The following PTGER3 variants were observed in gnomAD, a reference collection of about 807,000 sequenced individuals.
PTGER3 encodes the protein prostaglandin E receptor 3, also known as prostaglandin E2 receptor EP3 subtype.
PTGER3 carries 22 observed loss-of-function variants against 34.7 expected under a neutral mutation model. The observed-to-expected ratio is 0.63, with a 90% CI of 0.45 to 0.91. The LOEUF (loss-of-function observed/expected upper bound fraction) is 0.91, where lower values mean the gene tolerates loss of function less well. Ranked by LOEUF, PTGER3 falls within the 40% of genes least tolerant of loss-of-function variation. The probability of loss-of-function intolerance (pLI) is 0.00; values close to 1 mark genes in which losing one functional copy is unlikely to be tolerated. For synonymous variants in PTGER3, 241 were observed against 230.1 expected (o/e 1.05, Z -0.43); for missense variants, 468 against 519.4 (o/e 0.90, Z 0.96).
chr1:71,008,744 A>G, intron 2 of PTGER3: 2 of 973,252 alleles, frequency 2.1e-6, no homozygotes, highest in South Asian at 9.5e-5. Flanking sequence ...ATATGTAAAC[A>G]TATAAAACAA....
chr1:70,855,530 T>C (rs1217235625), intron 4 of PTGER3, among the ~76,000 whole-genome samples: 1 of 152,204 alleles, frequency 6.6e-6, no homozygotes, highest in Non-Finnish European at 1.5e-5. Flanking sequence ...ATAAATTAGT[T>C]CTGTGAACGC....
At chr1:71,005,718 C>T (rs544155493) in intron 2 of PTGER3, 7 of 262,414 alleles carry the variant, frequency 2.7e-5, no homozygotes, top group African/African-American at 1.6e-4. Context: ...AAGGCTAGTA[C>T]TAGCAAGCAC....
chr1:71,028,050 C>A (rs910255598), intron 1 of PTGER3, among the ~76,000 whole-genome samples: 1 of 152,150 alleles, frequency 6.6e-6, no homozygotes, highest in Non-Finnish European at 1.5e-5. Context: ...GGTATCATCA[C>A]TGCAGTGTCC....
chr1:70,976,663 GT>G (rs552414107), intron 2 of PTGER3, among the ~76,000 whole-genome samples: 1 of 152,052 alleles, frequency 6.6e-6, no homozygotes, highest in Non-Finnish European at 1.5e-5. Flanking sequence ...ATCTTTGAAA[GT>G]TTCCCATTTC....
intron 2 of PTGER3, chr1:71,007,257 A>G (rs942694063): frequency 1.0e-6 from 1 of 985,488 alleles, no homozygotes; most frequent in Admixed American, 6.2e-5. Flanking sequence ...ATTTGTTACA[A>G]ACAGATCAAA....
chr1:71,027,605 C>G (rs1275819583), intron 1 of PTGER3, among the ~76,000 whole-genome samples: 1 of 152,182 alleles, frequency 6.6e-6, no homozygotes, highest in African/African-American at 2.4e-5. Flanking sequence ...GATGTATTGA[C>G]ATAGTCCCCC....
chr1:70,942,422 C>T (rs764357503), intron 4 of PTGER3, among the ~76,000 whole-genome samples: 17 of 152,166 alleles, frequency 1.1e-4, no homozygotes, highest in Non-Finnish European at 2.4e-4. Context: ...CCTTAATTAC[C>T]TTTCCAACTT....
At chr1:70,908,103 T>G (rs1320943878) in intron 4 of PTGER3, among the ~76,000 whole-genome samples, 2 of 152,202 alleles carry the variant, frequency 1.3e-5, no homozygotes, top group African/African-American at 2.4e-5. Flanking sequence ...ATACCCACTT[T>G]GTCTGCTTGT....
chr1:70,981,540 C>T (rs181693143), intron 2 of PTGER3, among the ~76,000 whole-genome samples: 1 of 151,714 alleles, frequency 6.6e-6, no homozygotes, highest in Non-Finnish European at 1.5e-5. Flanking sequence ...TTCCAAGTAG[C>T]TGGGACTACA....
chr1:70,982,875 A>G (rs1274374054), intron 2 of PTGER3, among the ~76,000 whole-genome samples: 1 of 152,172 alleles, frequency 6.6e-6, no homozygotes, highest in Non-Finnish European at 1.5e-5. Context: ...TAATTGGCTT[A>G]ATTTAATCAT....
chr1:70,864,846 C>T (rs1646006364), intron 4 of PTGER3, among the ~76,000 whole-genome samples: 1 of 152,208 alleles, frequency 6.6e-6, no homozygotes, highest in Admixed American at 6.5e-5. Flanking sequence ...CCTAAGTTCA[C>T]ACTGGTAAGT....
intron 4 of PTGER3, among the ~76,000 whole-genome samples, chr1:70,903,264 C>G (rs1045404132): frequency 6.6e-6 from 1 of 152,140 alleles, no homozygotes; most frequent in Non-Finnish European, 1.5e-5. Context: ...TAATTTTAGG[C>G]TTCTGGTCTC....
intron 4 of PTGER3, among the ~76,000 whole-genome samples, chr1:70,856,115 A>T (rs555548271): frequency 6.6e-6 from 1 of 152,170 alleles, no homozygotes; most frequent in Admixed American, 6.5e-5. Context: ...AAGAGAAAAA[A>T]ATGCTTGTAG....
At chr1:70,947,548 C>T (rs1650331394), downstream of PTGER3, 1 of 152,222 alleles carries the variant, frequency 6.6e-6, no homozygotes, top group Non-Finnish European at 1.5e-5. Flanking sequence ...TAAAAATGGA[C>T]TAATACAGTA....
At chr1:70,908,026 C>T (rs1646985312) in intron 4 of PTGER3, among the ~76,000 whole-genome samples, 1 of 152,170 alleles carries the variant, frequency 6.6e-6, no homozygotes, top group South Asian at 2.1e-4. Context: ...ATTGTCTCTC[C>T]CTTCAGTTCA....
At chr1:70,980,395 A>G (rs779272217) in intron 2 of PTGER3, among the ~76,000 whole-genome samples, 6 of 151,992 alleles carry the variant, frequency 3.9e-5, no homozygotes, top group Non-Finnish European at 2.9e-5. Flanking sequence ...AAGTTACTGC[A>G]ACTTGCTGGC....
intron 2 of PTGER3, among the ~76,000 whole-genome samples, chr1:70,958,753 A>G (rs148619168): frequency 1.2e-4 from 18 of 152,240 alleles, no homozygotes; most frequent in Admixed American, 1.2e-3. Context: ...ACCTTTTCCC[A>G]GTTCAATTTC....
chr1:70,934,548 T>G (rs1306026232), intron 4 of PTGER3, among the ~76,000 whole-genome samples: 1 of 152,180 alleles, frequency 6.6e-6, no homozygotes, highest in Admixed American at 6.6e-5. Flanking sequence ...CTGCATAGTT[T>G]CCATATCAGT....
intron 4 of PTGER3, among the ~76,000 whole-genome samples, chr1:70,874,231 C>T (rs1049482645): frequency 6.6e-6 from 1 of 152,210 alleles, no homozygotes; most frequent in Non-Finnish European, 1.5e-5. Context: ...CAGTGCAGAA[C>T]TGCATGTACT....
Sources: allele counts gnomAD v4.1 joint callset (sites outside exome capture counted in the v4.1 genomes callset), GRCh38; gene constraint gnomAD v4.1.1; transcripts MANE v1.5; gene names NCBI Gene and HGNC (gene_info 2026-07-23, HGNC 2026-07-21).